The following MBD5 variants were observed in gnomAD, a reference collection of about 807,000 sequenced individuals.
MBD5 encodes the protein methyl-CpG binding domain protein 5, also known as methyl-CpG-binding domain protein 5.
Under a neutral mutation model 117.3 loss-of-function variants are expected in MBD5, and 13 were observed. That is an observed-to-expected ratio of 0.11 (90% CI 0.07 to 0.18). The LOEUF is 0.18. Among genes scored for constraint, MBD5 ranks in the 10% least tolerant of loss-of-function variants. The pLI is 1.00. For missense variants in MBD5, 1,879 were observed against 2,093.8 expected (o/e 0.90, Z 2.00); for synonymous variants, 727 against 766.4 (o/e 0.95, Z 0.85).
chr2:148,462,330 T>A (rs778998478), intron 5 of MBD5, among the ~76,000 whole-genome samples: 3 of 152,186 alleles, frequency 2.0e-5, no homozygotes, highest in Non-Finnish European at 4.4e-5. Context: ...AGTCTACTCT[T>A]GGTTTTCAGA....
Position 148,373,670 on chromosome 2 carries a change from A to G in MBD5, c.-557+31334A>G, listed in dbSNP as rs112567205. ...ATAACAACCTCTCTATATGCAAAGT[A>G]CCTTTTTTAGAGACTCTTGAGATGA... is the stretch of plus-strand genomic sequence containing the variant. On this transcript the variant is annotated intron_variant, in intron 4 of 13. Coordinates refer to ENST00000642680, the MANE Select transcript of MBD5 (RefSeq NM_001378120.1). Among the ~76,000 whole-genome samples the G allele has an allele frequency of 4.1e-3, 627 of 152,230 alleles. 6 individuals are homozygous for G. Among genetic ancestry groups the G allele is most frequent in the African/African-American group, 0.014 (586 of 41,544 alleles).
At chr2:148,152,923 C>T (rs545846805) in intron 1 of MBD5, among the ~76,000 whole-genome samples, 1 of 151,944 alleles carries the variant, frequency 6.6e-6, no homozygotes, top group African/African-American at 2.4e-5. Flanking sequence ...TTAATTGGAG[C>T]ATTTAGTCCA....
intron 2 of MBD5, among the ~76,000 whole-genome samples, chr2:148,180,214 T>C (rs1400129843): frequency 6.6e-6 from 1 of 151,178 alleles, no homozygotes; most frequent in Non-Finnish European, 1.5e-5. Flanking sequence ...TACATAGTTA[T>C]ATATGGTGAC....
At chr2:148,266,828 A>G (rs1029168993) in intron 3 of MBD5, among the ~76,000 whole-genome samples, 1 of 152,200 alleles carries the variant, frequency 6.6e-6, no homozygotes, top group African/African-American at 2.4e-5. Flanking sequence ...ATTTAAACAA[A>G]TAGACTGGTA....
At chr2:148,206,435 C>A (rs994231419) in intron 2 of MBD5, among the ~76,000 whole-genome samples, 4 of 152,084 alleles carry the variant, frequency 2.6e-5, no homozygotes, top group Non-Finnish European at 5.9e-5. Context: ...ATTGGGATAT[C>A]CACCACCTCA....
intron 2 of MBD5, among the ~76,000 whole-genome samples, chr2:148,227,845 G>T (rs1231319368): frequency 6.6e-6 from 1 of 152,118 alleles, no homozygotes; most frequent in Non-Finnish European, 1.5e-5. Flanking sequence ...TTGTAAGTTG[G>T]ATTCCTAGGT....
In MBD5 at chr2:148,384,310, A is replaced by T. The variant is rs548982661; in HGVS notation, c.-557+41974A>T. 3.7e-3 allele frequency among the ~76,000 whole-genome samples: 569 copies of T among 152,290 alleles called. 3 individuals are homozygous for T. Among genetic ancestry groups the T allele is most frequent in the African/African-American group, 0.013 (528 of 41,546 alleles). On this transcript the variant is annotated intron_variant, in intron 4 of 13. Coordinates refer to ENST00000642680, the MANE Select transcript of MBD5 (RefSeq NM_001378120.1). ...GCTAAAATCACAAGCATTCTTATACACCAATAACAGACAAACAGAGAGCCA... is the reference window on the plus strand; with the variant it reads ...GCTAAAATCACAAGCATTCTTATACTCCAATAACAGACAAACAGAGAGCCA...
chr2:148,021,295 G>T lies in MBD5; in HGVS notation c.-1314G>T. The T allele has an allele frequency of 2.6e-6, 1 of 381,476 alleles. No homozygotes were observed. The allele number at this position is 381,476 out of a possible 1,614,324, so 23.6% of individuals were successfully genotyped here. A position where few individuals can be genotyped will look rare whatever the true frequency, so the allele number is the denominator to read the frequency against. On this transcript the variant is annotated 5_prime_UTR_variant, in exon 1 of 14. Coordinates refer to ENST00000642680, the MANE Select transcript of MBD5 (RefSeq NM_001378120.1). ...GAGCCCTGAGAGGGGGATTGAGCCT[G>T]AGAGAGGAGAAGGAGTTTCTTCTTC...
intron 4 of MBD5, among the ~76,000 whole-genome samples, chr2:148,451,662 T>A (rs988485739): frequency 6.6e-6 from 1 of 152,204 alleles, no homozygotes; most frequent in Non-Finnish European, 1.5e-5. Context: ...AGTAATGCTA[T>A]TATTTTTAAT....
chr2:148,386,198 A>G (rs546975219), intron 4 of MBD5, among the ~76,000 whole-genome samples: 1 of 152,292 alleles, frequency 6.6e-6, no homozygotes, highest in South Asian at 2.1e-4. Flanking sequence ...AAAAGCTTTT[A>G]AAAAAGTAAG....
At chr2:148,182,438 C>G (rs957218226) in intron 2 of MBD5, among the ~76,000 whole-genome samples, 4 of 152,052 alleles carry the variant, frequency 2.6e-5, no homozygotes, top group Non-Finnish European at 5.9e-5. Context: ...GTTTGGTTAG[C>G]AAATATCTGA....
intron 4 of MBD5, among the ~76,000 whole-genome samples, chr2:148,387,024 G>T (rs1181478771): frequency 6.6e-6 from 1 of 152,008 alleles, no homozygotes; most frequent in Non-Finnish European, 1.5e-5. Flanking sequence ...CCAGAGAATG[G>T]GAAAAGATGG....
chr2:148,174,568 A>G (rs1331546267), intron 1 of MBD5, among the ~76,000 whole-genome samples: 1 of 152,074 alleles, frequency 6.6e-6, no homozygotes, highest in Non-Finnish European at 1.5e-5. Flanking sequence ...GTTAATATCC[A>G]AAATATATAA....
intron 3 of MBD5, among the ~76,000 whole-genome samples, chr2:148,289,566 T>G (rs895795215): frequency 6.6e-6 from 1 of 152,196 alleles, no homozygotes; most frequent in Admixed American, 6.5e-5. Flanking sequence ...TATTATCCTT[T>G]AACTCAGTTT....
At chr2:148,417,666 T>C (rs1266816150) in intron 4 of MBD5, among the ~76,000 whole-genome samples, 1 of 152,196 alleles carries the variant, frequency 6.6e-6, no homozygotes, top group Non-Finnish European at 1.5e-5. Flanking sequence ...TGAGGTAAGA[T>C]GTTATCTCAT....
At chr2:148,335,457 A>C (rs902511932) in intron 3 of MBD5, among the ~76,000 whole-genome samples, 5 of 151,988 alleles carry the variant, frequency 3.3e-5, no homozygotes, top group African/African-American at 1.2e-4. Context: ...TGGGGCTCAC[A>C]CCTGTAATCC....
chr2:148,441,808 T>A (rs1706333811), intron 4 of MBD5, among the ~76,000 whole-genome samples: 1 of 152,230 alleles, frequency 6.6e-6, no homozygotes, highest in South Asian at 2.1e-4. Context: ...CTAACTGGTG[T>A]GAGATGGTAT....
chr2:148,038,370 C>G (rs1252577198), intron 1 of MBD5, among the ~76,000 whole-genome samples: 1 of 151,452 alleles, frequency 6.6e-6, no homozygotes, highest in Non-Finnish European at 1.5e-5. Context: ...GTCTTATGTC[C>G]CTGGAAGCAA....
At chr2:148,145,701 G>C (rs1282588224) in intron 1 of MBD5, among the ~76,000 whole-genome samples, 1 of 152,172 alleles carries the variant, frequency 6.6e-6, no homozygotes, top group East Asian at 1.9e-4. Flanking sequence ...CATGTATTGA[G>C]ATAATCATAT....
Sources: gnomAD v4.1 joint callset for allele counts (sites outside exome capture counted in the v4.1 genomes callset) on GRCh38, gnomAD v4.1.1 for gene constraint, MANE v1.5 for transcripts, NCBI Gene and HGNC (gene_info 2026-07-23, HGNC 2026-07-21) for gene names.